The following ARL6IP6 variants were observed in gnomAD, a reference collection of about 807,000 sequenced individuals.
The protein encoded by ARL6IP6 is ARF like GTPase 6 interacting protein 6.
Under a neutral mutation model 21.5 loss-of-function variants are expected in ARL6IP6, and 22 were observed. The ratio of observed to expected loss-of-function variants is 1.02; its 90% CI spans 0.73 to 1.46. The LOEUF (loss-of-function observed/expected upper bound fraction) is 1.46, where lower values mean the gene tolerates loss of function less well. ARL6IP6 is among the 40% of genes most tolerant of loss of function. The pLI, the probability that ARL6IP6 is intolerant of heterozygous loss-of-function variation, is 0.00. For synonymous variants in ARL6IP6, 164 were observed against 125.3 expected, an observed-to-expected ratio of 1.31 and a Z score of -2.06; for missense variants, 388 against 299.8, an observed-to-expected ratio of 1.29 and a Z score of -2.17.
intron 3 of ARL6IP6, among the ~76,000 whole-genome samples, chr2:152,743,499 G>C (rs374491012): frequency 6.6e-6 from 1 of 152,190 alleles, no homozygotes; most frequent in South Asian, 2.1e-4. Flanking sequence ...AAGTAAAGTT[G>C]GTTTATTAAT....
At chr2:152,718,029 C>T (rs1175688482), upstream of ARL6IP6, 2 of 992,616 alleles carry the variant, frequency 2.0e-6, no homozygotes, top group South Asian at 8.7e-5. Flanking sequence ...GGAGGCGTGT[C>T]GAGTAGCGGG....
Position 152,718,949 on chromosome 2 carries a change from C to T in ARL6IP6, c.325C>T (p.Leu109Phe), listed in dbSNP as rs1049172086. ...GCCTCGGCGGTGGCCGGTCCAGGTC[C>T]TCTCTATTCTCTGCTCGCTGCTCTT... ...AQPRRWPVQV[L>F]SILCSLLFAI... Residue 109 changes from leucine to phenylalanine, a missense_variant, in exon 1 of 4, where the codon CTC becomes TTC. Transcript: ENST00000326446. 8 of 1,608,108 alleles carry T rather than the reference C, an allele frequency of 5.0e-6. No homozygotes were observed. Among genetic ancestry groups the T allele is most frequent in the Non-Finnish European group, 6.8e-6 (8 of 1,176,984 alleles).
chr2:152,735,116 G>T lies in ARL6IP6; in HGVS notation c.577G>T (p.Ala193Ser). The T allele has an allele frequency of 6.2e-7, 1 of 1,613,488 alleles. No homozygotes were observed. Among genetic ancestry groups the T allele is most frequent in the Non-Finnish European group, 8.5e-7 (1 of 1,179,672 alleles). The change falls in exon 3 of 4, where the codon GCC (alanine) becomes TCC (serine). Residue 193 changes from alanine (A) to serine (S), a missense_variant. Ala to Ser is a moderately conservative substitution (Grantham distance 99). Transcript: ENST00000326446. Reference sequence around the variant, plus strand: ...GTTTCCTCCTACTCCTCTTTCACCTGCCAGGTTCAAGTAAGTATTCCTGTT... The same window carrying T: ...GTTTCCTCCTACTCCTCTTTCACCTTCCAGGTTCAAGTAAGTATTCCTGTT... ...GMFPPTPLSP[A>S]RFKKLTGHSF...
At chr2:152,737,483 T>C (rs79231134) in intron 3 of ARL6IP6, among the ~76,000 whole-genome samples, 383 of 152,304 alleles carry the variant, frequency 2.5e-3, no homozygotes, top group African/African-American at 8.9e-3. Context: ...TATTAGTCTG[T>C]TCTCATGCTG....
intron 2 of ARL6IP6, among the ~76,000 whole-genome samples, chr2:152,720,927 C>A (rs1464787608): frequency 2.0e-5 from 3 of 151,968 alleles, no homozygotes; most frequent in Non-Finnish European, 4.4e-5. Flanking sequence ...CCTGTCTCTA[C>A]AAAAAATAAA....
chr2:152,740,330 T>C (rs1215549786), intron 3 of ARL6IP6, among the ~76,000 whole-genome samples: 2 of 151,866 alleles, frequency 1.3e-5, no homozygotes, highest in Non-Finnish European at 2.9e-5. Context: ...AAACCCTGAG[T>C]TCAAGCAGCC....
intron 2 of ARL6IP6, among the ~76,000 whole-genome samples, chr2:152,731,324 A>G (rs1231318983): frequency 6.6e-6 from 1 of 152,182 alleles, no homozygotes; most frequent in Non-Finnish European, 1.5e-5. Context: ...CTGTACTTTA[A>G]CAGTTTTTTC....
At chr2:152,736,779 T>C (rs904876670) in intron 3 of ARL6IP6, among the ~76,000 whole-genome samples, 5 of 152,212 alleles carry the variant, frequency 3.3e-5, no homozygotes, top group African/African-American at 4.8e-5. Flanking sequence ...AAAAACAGTA[T>C]AGACAACTAT....
In ARL6IP6 at chr2:152,731,755, A is replaced by G. The variant is rs1269075945; in HGVS notation, c.455-3239A>G. Reference sequence around the variant, plus strand: ...CCACTCTTTCCTCCCTCCTCAGAGAACCAATGTTAAATTCTTACATCCTTC... The same window carrying G: ...CCACTCTTTCCTCCCTCCTCAGAGAGCCAATGTTAAATTCTTACATCCTTC... On this transcript the variant is annotated intron_variant, in intron 2 of 3. Coordinates refer to ENST00000326446, the MANE Select transcript of ARL6IP6 (RefSeq NM_152522.7). 5.3e-5 allele frequency among the ~76,000 whole-genome samples: 8 copies of G among 152,282 alleles called. No individual in the cohort carries two copies. In the East Asian group the frequency reaches 1.5e-3, roughly 29 times the overall value.
chr2:152,738,046 T>TA (rs1700630654), intron 3 of ARL6IP6, among the ~76,000 whole-genome samples: 2 of 151,784 alleles, frequency 1.3e-5, no homozygotes, highest in South Asian at 4.2e-4. Context: ...GCACTGTAAA[T>TA]ACACCCATTC....
intron 2 of ARL6IP6, among the ~76,000 whole-genome samples, chr2:152,722,165 GAC>G (rs1477467590): frequency 6.6e-6 from 1 of 152,204 alleles, no homozygotes; most frequent in African/African-American, 2.4e-5. Flanking sequence ...TAGGTCTTTT[GAC>G]ATGGTCCTGC....
chr2:152,760,117 T>G lies in ARL6IP6; in HGVS notation c.*277T>G. On this transcript the variant is annotated 3_prime_UTR_variant, in exon 4 of 4. Coordinates refer to ENST00000326446, the MANE Select transcript of ARL6IP6 (RefSeq NM_152522.7). ...CATCTTTTTACTTTTGTGTGTGTAG[T>G]TCTTTCAAGTTGTAGGAAACATTTT... 1 of 247,582 alleles carries G rather than the reference T, an allele frequency of 4.0e-6. No individual in the cohort carries two copies. Among genetic ancestry groups the G allele is most frequent in the East Asian group, 8.1e-5 (1 of 12,414 alleles). The allele number at this position is 247,582 out of a possible 1,614,324, so 15.3% of individuals were successfully genotyped here. A position where few individuals can be genotyped will look rare whatever the true frequency, so the allele number is the denominator to read the frequency against.
At chr2:152,746,759 G>A (rs915699903) in intron 3 of ARL6IP6, among the ~76,000 whole-genome samples, 1 of 150,132 alleles carries the variant, frequency 6.7e-6, no homozygotes, top group African/African-American at 2.5e-5. Flanking sequence ...ACCATGGCCT[G>A]CCACAAGTTG....
At chr2:152,724,439 G>A (rs1189644057) in intron 2 of ARL6IP6, among the ~76,000 whole-genome samples, 1 of 152,122 alleles carries the variant, frequency 6.6e-6, no homozygotes, top group Non-Finnish European at 1.5e-5. Context: ...AAGAAAGTAT[G>A]TATTATAATT....
chr2:152,743,693 A>G (rs2105155055), intron 3 of ARL6IP6, among the ~76,000 whole-genome samples: 1 of 152,306 alleles, frequency 6.6e-6, no homozygotes, highest in East Asian at 1.9e-4. Flanking sequence ...GGAGGAAAAA[A>G]AATCAATGCT....
chr2:152,747,548 TC>T (rs1205140208), intron 3 of ARL6IP6, among the ~76,000 whole-genome samples: 1 of 152,108 alleles, frequency 6.6e-6, no homozygotes. Context: ...CAGTACTGAC[TC>T]CTTACTCATT....
At chr2:152,736,249 A>C (rs750276652) in intron 3 of ARL6IP6, among the ~76,000 whole-genome samples, 1 of 152,200 alleles carries the variant, frequency 6.6e-6, no homozygotes, top group Non-Finnish European at 1.5e-5. Flanking sequence ...GTTTACTTTA[A>C]TAACAGGTAT....
chr2:152,750,091 G>T (rs1701252597), intron 3 of ARL6IP6, among the ~76,000 whole-genome samples: 1 of 152,112 alleles, frequency 6.6e-6, no homozygotes, highest in African/African-American at 2.4e-5. Flanking sequence ...AGGTAATGTT[G>T]ACCAATAACC....
Position 152,725,487 on chromosome 2 carries a change from G to A in ARL6IP6, c.454+4901G>A, listed in dbSNP as rs530365933. ...ACAAAGGTGATTTGGAAAAAAAAAT[G>A]CAAAAAAGAATTATTGGGTTGACCA... On this transcript the variant is annotated intron_variant, in intron 2 of 3. Transcript: ENST00000326446. Among the ~76,000 whole-genome samples the A allele has an allele frequency of 5.3e-5, 8 of 152,110 alleles. No individual in the cohort carries two copies. In the South Asian group the frequency reaches 1.7e-3, roughly 32 times the overall value.
Sources: allele counts gnomAD v4.1 joint callset (sites outside exome capture counted in the v4.1 genomes callset), GRCh38; gene constraint gnomAD v4.1.1; transcripts MANE v1.5; gene names NCBI Gene and HGNC (gene_info 2026-07-23, HGNC 2026-07-21).